Variants in HMG20A observed in about 807,000 individuals in gnomAD.
The protein encoded by HMG20A is high mobility group 20A.
In HMG20A, 17 loss-of-function variants were observed where a neutral mutation model predicts 43.9. The ratio of observed to expected loss-of-function variants is 0.39; its 90% confidence interval spans 0.27 to 0.58. The LOEUF (loss-of-function observed/expected upper bound fraction) is 0.58, where lower values mean the gene tolerates loss of function less well. Among genes scored for constraint, HMG20A ranks in the 20% least tolerant of loss-of-function variants. The pLI, the probability that HMG20A is intolerant of heterozygous loss-of-function variation, is 0.59. For synonymous variants in HMG20A, 132 were observed against 147.5 expected, an observed-to-expected ratio of 0.89 and a Z score of 0.76; for missense variants, 341 against 438.2, an observed-to-expected ratio of 0.78 and a Z score of 1.98.
chr15:77,455,834 C>G (rs993307669), intron 1 of HMG20A, among the ~76,000 whole-genome samples: 3 of 152,100 alleles, frequency 2.0e-5, no homozygotes, highest in Non-Finnish European at 4.4e-5. Flanking sequence ...TTGAATCACT[C>G]CCTCATGGAC....
intron 1 of HMG20A, among the ~76,000 whole-genome samples, chr15:77,441,434 A>G (rs2073611861): frequency 6.6e-6 from 1 of 152,184 alleles, no homozygotes; most frequent in African/African-American, 2.4e-5. Flanking sequence ...TTTCTAGTTC[A>G]TATAATTAAA....
At chr15:77,440,620 C>T (rs184088315) in intron 1 of HMG20A, among the ~76,000 whole-genome samples, 11 of 152,176 alleles carry the variant, frequency 7.2e-5, no homozygotes, top group African/African-American at 1.7e-4. Context: ...GACAACCAGG[C>T]GGATGTAAAC....
At chr15:77,455,935 T>A (rs1312105362) in intron 1 of HMG20A, among the ~76,000 whole-genome samples, 3 of 152,108 alleles carry the variant, frequency 2.0e-5, no homozygotes, top group Admixed American at 2.0e-4. Flanking sequence ...GGCCTTTGGG[T>A]TTCACTGCAC....
chr15:77,480,818 A>G (rs2072900519), intron 9 of HMG20A, among the ~76,000 whole-genome samples: 1 of 151,222 alleles, frequency 6.6e-6, no homozygotes, highest in Admixed American at 6.6e-5. Flanking sequence ...TCAAATTCCT[A>G]GAGATAGGAT....
At chr15:77,517,996 CA>C in the HMG20A span, among the ~76,000 whole-genome samples, 2 of 128,588 alleles carry the variant, frequency 1.6e-5, no homozygotes, top group Non-Finnish European at 3.5e-5. Context: ...TAATGCCTGT[CA>C]TTAGCAGATG....
intron 2 of HMG20A, among the ~76,000 whole-genome samples, chr15:77,460,911 A>G (rs999543506): frequency 6.6e-6 from 1 of 152,122 alleles, no homozygotes; most frequent in African/African-American, 2.4e-5. Context: ...GCTTGAACCC[A>G]GGTGGCGGAA....
At chr15:77,495,232 C>T in the HMG20A span, among the ~76,000 whole-genome samples, 1 of 152,316 alleles carries the variant, frequency 6.6e-6, no homozygotes, top group African/African-American at 2.4e-5. Flanking sequence ...TGACTCCAGG[C>T]TGCAGGCCCA....
the HMG20A span, among the ~76,000 whole-genome samples, chr15:77,512,239 T>A: frequency 6.6e-6 from 1 of 151,922 alleles, no homozygotes; most frequent in Non-Finnish European, 1.5e-5. Context: ...AGTAGAATGG[T>A]GGTTGCCAGG....
At chr15:77,502,820 A>AT in the HMG20A span, among the ~76,000 whole-genome samples, 1 of 152,076 alleles carries the variant, frequency 6.6e-6, no homozygotes, top group South Asian at 2.1e-4. Context: ...ATAAAAAAAA[A>AT]TTAGCCAGGC....
chr15:77,442,057 A>G (rs1363235326), intron 1 of HMG20A, among the ~76,000 whole-genome samples: 1 of 152,218 alleles, frequency 6.6e-6, no homozygotes, highest in East Asian at 1.9e-4. Context: ...GGCAAGAAGT[A>G]AAACAACAAC....
chr15:77,424,493 A>G (rs1401036530), intron 1 of HMG20A, among the ~76,000 whole-genome samples: 1 of 152,140 alleles, frequency 6.6e-6, no homozygotes, highest in Non-Finnish European at 1.5e-5. Flanking sequence ...TGGAATCAGA[A>G]TGTTGTATGT....
the HMG20A span, among the ~76,000 whole-genome samples, chr15:77,494,401 G>A: frequency 1.3e-5 from 2 of 152,120 alleles, no homozygotes; most frequent in African/African-American, 2.4e-5. Context: ...AAAGTGCTGG[G>A]ATTACAGGCA....
rs190096505 is a variant in HMG20A, at chr15:77,450,192, C to T, written c.-4-8212C>T. 2.4e-3 allele frequency among the ~76,000 whole-genome samples: 359 copies of T among 152,102 alleles called. 2 individuals carry two copies. The highest frequency in any genetic ancestry group is 8.2e-3 in the African/African-American group (341 of 41,472). On this transcript the variant is annotated intron_variant, in intron 1 of 9. Transcript: ENST00000336216. Reference sequence around the variant, plus strand: ...TCGCCCAGGCTGGAGTGCAGTGGCACGATCTCGGCTCACTGCAAGCTCTGC... The same window carrying T: ...TCGCCCAGGCTGGAGTGCAGTGGCATGATCTCGGCTCACTGCAAGCTCTGC...
downstream of HMG20A, among the ~76,000 whole-genome samples, chr15:77,487,671 C>A (rs1431274003): frequency 6.6e-6 from 1 of 152,230 alleles, no homozygotes; most frequent in Non-Finnish European, 1.5e-5. Flanking sequence ...AACACCAGGA[C>A]AAGCTTTCCC....
intron 6 of HMG20A, among the ~76,000 whole-genome samples, chr15:77,472,701 G>A (rs191612038): frequency 7.2e-5 from 11 of 152,238 alleles, no homozygotes; most frequent in African/African-American, 2.7e-4. Context: ...TTCTGTGTGT[G>A]TATGGGATTT....
At chr15:77,428,754 C>T (rs2073452163) in intron 1 of HMG20A, among the ~76,000 whole-genome samples, 1 of 152,096 alleles carries the variant, frequency 6.6e-6, no homozygotes, top group African/African-American at 2.4e-5. Flanking sequence ...CGCCTTAGCT[C>T]AGGAGTTTGG....
At chr15:77,506,493 C>A in the HMG20A span, among the ~76,000 whole-genome samples, 1 of 152,332 alleles carries the variant, frequency 6.6e-6, no homozygotes, top group African/African-American at 2.4e-5. Flanking sequence ...TGCGGCTGCC[C>A]TCTTGACTCC....
At chr15:77,475,908 T>C (rs75062231) in intron 6 of HMG20A, among the ~76,000 whole-genome samples, 3,060 of 152,312 alleles carry the variant, frequency 0.02, 102 homozygotes, top group African/African-American at 0.068. Context: ...GGACTTTCGA[T>C]TGATAATTTT....
chr15:77,456,573 G>T (rs2072656114), intron 1 of HMG20A, among the ~76,000 whole-genome samples: 1 of 150,188 alleles, frequency 6.7e-6, no homozygotes, highest in Non-Finnish European at 1.5e-5. Flanking sequence ...CCAGCAACTT[G>T]GGAGGCTGAA....
Sources: allele counts gnomAD v4.1 joint callset (sites outside exome capture counted in the v4.1 genomes callset), GRCh38; gene constraint gnomAD v4.1.1; transcripts MANE v1.5; gene names NCBI Gene and HGNC (gene_info 2026-07-23, HGNC 2026-07-21).